Variants in CCDC85A observed in about 807,000 individuals in gnomAD.
CCDC85A encodes the protein coiled-coil domain containing 85A, also known as coiled-coil domain-containing protein 85A.
In CCDC85A, 38 loss-of-function variants were observed where a neutral mutation model predicts 50.2. The ratio of observed to expected loss-of-function variants is 0.76; its 90% CI spans 0.58 to 0.99. The LOEUF (loss-of-function observed/expected upper bound fraction) is 0.99, where lower values mean the gene tolerates loss of function less well. Ranked by LOEUF, CCDC85A falls within the 50% of genes least tolerant of loss-of-function variation. The pLI is 0.00. For synonymous variants in CCDC85A, 366 were observed against 301.4 expected, an observed-to-expected ratio of 1.21 and a Z score of -2.22; for missense variants, 820 against 742.0, an observed-to-expected ratio of 1.11 and a Z score of -1.22.
chr2:56,347,404 T>C (rs2104334548), intron 3 of CCDC85A, among the ~76,000 whole-genome samples: 1 of 152,368 alleles, frequency 6.6e-6, no homozygotes, highest in Non-Finnish European at 1.5e-5. Context: ...CCTATTTTTA[T>C]CTTATTGACA....
rs115532306 is a variant in CCDC85A at position 56,201,830 on chromosome 2, T to A, written c.1240+8390T>A. On this transcript the variant is annotated intron_variant, in intron 2 of 5. Coordinates refer to ENST00000407595, the MANE Select transcript of CCDC85A (RefSeq NM_001080433.2). Reference sequence around the variant, plus strand: ...GTATTTAGTTTAGAACATCATAGAATCATAGAACTTAAAGCCATAAAGTAT... The same window carrying A: ...GTATTTAGTTTAGAACATCATAGAAACATAGAACTTAAAGCCATAAAGTAT... 3.9e-3 allele frequency among the ~76,000 whole-genome samples: 589 copies of A among 152,216 alleles called. 4 individuals are homozygous for A. The highest frequency in any genetic ancestry group is 0.01 in the Middle Eastern group (3 of 292).
chr2:56,265,061 C>T (rs1295379150), intron 2 of CCDC85A, among the ~76,000 whole-genome samples: 2 of 152,114 alleles, frequency 1.3e-5, no homozygotes, highest in African/African-American at 2.4e-5. Context: ...CTTTATTTTT[C>T]TCCATAGCAC....
chr2:56,306,528 A>T (rs1672454854), intron 2 of CCDC85A, among the ~76,000 whole-genome samples: 2 of 152,300 alleles, frequency 1.3e-5, no homozygotes, highest in African/African-American at 4.8e-5. Context: ...ATACAACCTT[A>T]CATCCAAATG....
intron 2 of CCDC85A, among the ~76,000 whole-genome samples, chr2:56,261,165 T>C (rs532792997): frequency 6.6e-6 from 1 of 152,286 alleles, no homozygotes; most frequent in Admixed American, 6.5e-5. Context: ...GTGGGGATAA[T>C]GAAACCTCCT....
intron 5 of CCDC85A, among the ~76,000 whole-genome samples, chr2:56,378,266 A>G (rs890460267): frequency 1.3e-5 from 2 of 151,926 alleles, no homozygotes; most frequent in African/African-American, 2.4e-5. Context: ...GATAGATTTT[A>G]TAGAAAACGC....
chr2:56,208,779 G>A (rs1677059608), intron 2 of CCDC85A, among the ~76,000 whole-genome samples: 1 of 152,050 alleles, frequency 6.6e-6, no homozygotes, highest in Admixed American at 6.6e-5. Flanking sequence ...AGAAGAGCTG[G>A]CAGCCTGGGA....
At chr2:56,348,584 C>T (rs76035512) in intron 3 of CCDC85A, among the ~76,000 whole-genome samples, 14,962 of 152,254 alleles carry the variant, frequency 0.098, 772 homozygotes, top group Middle Eastern at 0.16. Flanking sequence ...GTTGCCAGAG[C>T]AGTCTCTGAA....
At chr2:56,378,865 T>C (rs1676458439) in intron 5 of CCDC85A, among the ~76,000 whole-genome samples, 1 of 152,208 alleles carries the variant, frequency 6.6e-6, no homozygotes, top group African/African-American at 2.4e-5. Flanking sequence ...GTGTGGATTC[T>C]ATAGGAACTT....
chr2:56,273,361 C>T (rs1670781303), intron 2 of CCDC85A, among the ~76,000 whole-genome samples: 1 of 151,802 alleles, frequency 6.6e-6, no homozygotes, highest in South Asian at 2.1e-4. Flanking sequence ...GAGGGGAAAG[C>T]CTAGCTCAAG....
At chr2:56,223,312 G>A (rs749487205) in intron 2 of CCDC85A, among the ~76,000 whole-genome samples, 1 of 152,248 alleles carries the variant, frequency 6.6e-6, no homozygotes, top group East Asian at 1.9e-4. Context: ...TGCTGTGTAT[G>A]TCTCTGTCAC....
At chr2:56,265,845 A>G (rs1429133514) in intron 2 of CCDC85A, among the ~76,000 whole-genome samples, 2 of 152,182 alleles carry the variant, frequency 1.3e-5, no homozygotes, top group African/African-American at 4.8e-5. Flanking sequence ...CTGCACTCCC[A>G]TATTTATTAT....
chr2:56,209,752 G>A (rs776527611), intron 2 of CCDC85A, among the ~76,000 whole-genome samples: 3 of 152,056 alleles, frequency 2.0e-5, no homozygotes, highest in Admixed American at 2.0e-4. Context: ...CATTTGTTGA[G>A]ATGGTTATTT....
chr2:56,329,789 A>G (rs1294137417), intron 2 of CCDC85A, among the ~76,000 whole-genome samples: 3 of 152,052 alleles, frequency 2.0e-5, no homozygotes, highest in Non-Finnish European at 2.9e-5. Context: ...GATAAAAATT[A>G]TTTTTGTTTT....
rs746855326 is a variant in CCDC85A at position 56,304,622 on chromosome 2, C to CA, written c.1241-38251dup. 4.6e-5 allele frequency among the ~76,000 whole-genome samples: 7 copies of CA among 152,132 alleles called. No individual in the cohort carries two copies. In the East Asian group the frequency reaches 9.7e-4, roughly 21 times the overall value. On this transcript the variant is annotated intron_variant, in intron 2 of 5. Transcript: ENST00000407595. ...GAGAAATATTGAAATAGTAAATGTA[C>CA]AAAAAATAGGGTTCACCTACTGCTC...
At chr2:56,268,486 T>G (rs1195116266) in intron 2 of CCDC85A, among the ~76,000 whole-genome samples, 1 of 151,184 alleles carries the variant, frequency 6.6e-6, no homozygotes, top group Non-Finnish European at 1.5e-5. Flanking sequence ...TCCCAGCTAC[T>G]TGGGAGGCTG....
chr2:56,184,705 G>C lies in CCDC85A; in HGVS notation c.81G>C (p.Ala27=). The C allele has an allele frequency of 2.0e-6, 3 of 1,526,060 alleles. No homozygotes were observed. The highest frequency in any genetic ancestry group is 1.8e-6 in the Non-Finnish European group (2 of 1,140,532). The allele number at this position is 1,526,060 out of a possible 1,614,324, so 94.5% of individuals were successfully genotyped here. ...SCSPAPAGSS[A]APPAPVEDLS... is the part of the protein sequence containing the mutation. ...CCCCAGCCCCGGCCGGCTCGTCCGC[G>C]GCCCCGCCCGCGCCGGTGGAGGACC... The change falls in exon 1 of 6, where the codon GCG becomes GCC. Residue 27 remains alanine (A), a synonymous_variant. Transcript: ENST00000407595.
At chr2:56,296,403 A>G (rs1195978786) in intron 2 of CCDC85A, among the ~76,000 whole-genome samples, 1 of 152,298 alleles carries the variant, frequency 6.6e-6, no homozygotes, top group East Asian at 1.9e-4. Context: ...TCCCTTTTCC[A>G]TAAACAGCAA....
At position 56,360,300 on chromosome 2, in the gene CCDC85A, C is replaced by T. The variant is rs1205504272; in HGVS notation, c.1318-12044C>T. Among the ~76,000 whole-genome samples, 5 of 152,142 alleles carry T rather than the reference C, an allele frequency of 3.3e-5. No individual in the cohort carries two copies. The East Asian group carries it at 9.6e-4, about 29-fold the overall frequency. The stretch of plus-strand genomic sequence containing the variant: ...CTTATTAGTCTCTCTTCACAGCTAC[C>T]ACGTGAAGCTAATTGATAGGCCTCT... On this transcript the variant is annotated intron_variant, in intron 3 of 5. Transcript: ENST00000407595.
rs1676335238 is a variant in CCDC85A at position 56,192,378 on chromosome 2, G to A, written c.277-99G>A. Reference sequence around the variant, plus strand: ...CCTCACCTCCTCCCCTAACCTCACAGGTAATTCACCAGTTACAGGCTCTCC... The same window carrying A: ...CCTCACCTCCTCCCCTAACCTCACAAGTAATTCACCAGTTACAGGCTCTCC... On this transcript the variant is annotated intron_variant, in intron 1 of 5. Transcript: ENST00000407595. The surrounding 1 kb of genome is among the most constrained non-coding windows in gnomAD (Gnocchi z 4.7). The A allele has an allele frequency of 6.6e-7, 1 of 1,505,292 alleles. No homozygotes were observed. Among genetic ancestry groups the A allele is most frequent in the Non-Finnish European group, 8.9e-7 (1 of 1,126,486 alleles). The allele number at this position is 1,505,292 out of a possible 1,614,324, so 93.2% of individuals were successfully genotyped here.
Sources: gnomAD v4.1 joint callset for allele counts (sites outside exome capture counted in the v4.1 genomes callset) on GRCh38, gnomAD v4.1.1 for gene constraint, Gnocchi (gnomAD v3.1) non-coding constraint, MANE v1.5 for transcripts, NCBI Gene and HGNC (gene_info 2026-07-23, HGNC 2026-07-21) for gene names.